MTSS2: variants seen among roughly 807,000 people sequenced by gnomAD.
MTSS2 encodes protein MTSS 2.
In MTSS2, 27 loss-of-function variants were observed where a neutral mutation model predicts 67.1. That is an observed-to-expected ratio of 0.40 (90% CI 0.30 to 0.55). The LOEUF (loss-of-function observed/expected upper bound fraction) is 0.55, where lower values mean the gene tolerates loss of function less well. Among genes scored for constraint, MTSS2 ranks in the 20% least tolerant of loss-of-function variants. The probability of loss-of-function intolerance (pLI) is 0.43; values close to 1 mark genes in which losing one functional copy is unlikely to be tolerated. For missense variants in MTSS2, 1,171 were observed against 1,067.8 expected, an observed-to-expected ratio of 1.10 and a Z score of -1.35; for synonymous variants, 624 against 468.6, an observed-to-expected ratio of 1.33 and a Z score of -4.28.
At position 70,679,881 on chromosome 16, in the gene MTSS2, C is replaced by A; in HGVS notation, c.291-4G>T. The A allele has an allele frequency of 6.3e-7, 1 of 1,596,388 alleles. No homozygotes were observed. Among genetic ancestry groups the A allele is most frequent in the Non-Finnish European group, 8.5e-7 (1 of 1,177,710 alleles). On this transcript the variant is annotated splice_polypyrimidine_tract_variant and splice_region_variant and intron_variant, in intron 4 of 14. Coordinates refer to ENST00000338779, the MANE Select transcript of MTSS2 (RefSeq NM_138383.3). Reference sequence around the variant, plus strand: ...GATGAGGCTCTCCAGCAGTGCGCTGCGGAGGGCGGGCGGGAGCGCAGGTCA... The same window carrying A: ...GATGAGGCTCTCCAGCAGTGCGCTGAGGAGGGCGGGCGGGAGCGCAGGTCA...
intron 11 of MTSS2, among the ~76,000 whole-genome samples, chr16:70,669,306 G>T (rs1225371200): frequency 1.3e-5 from 2 of 152,184 alleles, no homozygotes; most frequent in Non-Finnish European, 2.9e-5. Context: ...TTGGTAAGAA[G>T]AAGACAGATA....
chr16:70,676,627 G>A (rs372494584), intron 10 of MTSS2, among the ~76,000 whole-genome samples: 2 of 152,182 alleles, frequency 1.3e-5, no homozygotes, highest in African/African-American at 4.8e-5. Context: ...CACAGCACCT[G>A]GCACATAGTG....
At chr16:70,668,570 G>A (rs1006386201) in intron 11 of MTSS2, among the ~76,000 whole-genome samples, 3 of 152,148 alleles carry the variant, frequency 2.0e-5, no homozygotes. Flanking sequence ...GCACTGCTGT[G>A]CACTGAGGAA....
At chr16:70,677,746 T>A (rs765133755) in intron 9 of MTSS2, 46 bp downstream of exon 9, 14 of 1,471,458 alleles carry the variant, frequency 9.5e-6, no homozygotes, top group Non-Finnish European at 1.3e-5. Flanking sequence ...GCAGCCCATC[T>A]CCTCCCTGCC....
intron 3 of MTSS2, 27 bp from the exon 4 acceptor site, chr16:70,680,082 G>A: frequency 6.9e-7 from 1 of 1,443,490 alleles, no homozygotes; most frequent in Non-Finnish European, 9.1e-7. Flanking sequence ...GGGGTGGGAA[G>A]GGGCCCGCTG....
chr16:70,680,910 G>C (rs750131433), intron 2 of MTSS2, 43 bp from the exon 3 acceptor site: 6 of 1,503,104 alleles, frequency 4.0e-6, no homozygotes, highest in African/African-American at 1.4e-5. Context: ...TGGTTGGGCG[G>C]GGGGGGGGCC....
At position 70,685,847 on chromosome 16, in the gene MTSS2, C is replaced by A. The variant is rs963682867; in HGVS notation, c.-56G>T. 6 of 1,090,040 alleles carry A rather than the reference C, an allele frequency of 5.5e-6. No homozygotes were observed. The highest frequency in any genetic ancestry group is 6.8e-6 in the Non-Finnish European group (6 of 882,194). The allele number at this position is 1,090,040 out of a possible 1,614,324, so 67.5% of individuals were successfully genotyped here. Reference sequence around the variant, plus strand: ...TAGGCGCACGGAGCGCGGGGAGCAGCGCAAGGGAGGGGGCCAGGCCGCGCG... The same window carrying A: ...TAGGCGCACGGAGCGCGGGGAGCAGAGCAAGGGAGGGGGCCAGGCCGCGCG... On this transcript the variant is annotated 5_prime_UTR_variant, in exon 1 of 15. Transcript: ENST00000338779.
intron 10 of MTSS2, among the ~76,000 whole-genome samples, chr16:70,676,050 C>G (rs2053106331): frequency 6.6e-6 from 1 of 152,228 alleles, no homozygotes; most frequent in East Asian, 1.9e-4. Context: ...GAGCCTCTCT[C>G]TGAGGTAGTA....
intron 11 of MTSS2, among the ~76,000 whole-genome samples, chr16:70,672,863 TA>T (rs1158149342): frequency 6.6e-6 from 1 of 151,804 alleles, no homozygotes; most frequent in African/African-American, 2.4e-5. Flanking sequence ...AAAGTGGAAG[TA>T]AAGAGATAAT....
At chr16:70,681,476 G>T (rs1483527012) in intron 1 of MTSS2, among the ~76,000 whole-genome samples, 1 of 152,236 alleles carries the variant, frequency 6.6e-6, no homozygotes, top group African/African-American at 2.4e-5. Flanking sequence ...AGTGTGGAGG[G>T]TAGGGGGTGG....
At chr16:70,685,507 G>T (rs1242031485) in intron 1 of MTSS2, among the ~76,000 whole-genome samples, 1 of 152,094 alleles carries the variant, frequency 6.6e-6, no homozygotes, top group Non-Finnish European at 1.5e-5. Flanking sequence ...GGGCCACCGC[G>T]GGCACCGCAC....
chr16:70,673,169 A>G (rs2052999272), intron 11 of MTSS2, among the ~76,000 whole-genome samples: 1 of 152,154 alleles, frequency 6.6e-6, no homozygotes, highest in African/African-American at 2.4e-5. Flanking sequence ...GTCTCAAAAC[A>G]AAACAAAACA....
intron 11 of MTSS2, chr16:70,665,849 T>G: frequency 3.8e-6 from 1 of 260,890 alleles, no homozygotes; most frequent in Non-Finnish European, 7.3e-6. Context: ...AAAGAGATAC[T>G]AAGGGCGGCA....
intron 9 of MTSS2, 78 bp downstream of exon 9, chr16:70,677,714 C>A: frequency 1.7e-6 from 2 of 1,147,786 alleles, no homozygotes; most frequent in Admixed American, 2.1e-5. Context: ...CCTCTTTTCC[C>A]CTTTACTGTT....
rs1396936376 is a variant in MTSS2, at chr16:70,664,724, T to C, written c.1345A>G (p.Met449Val). Reference sequence around the variant, plus strand: ...AGGCTCAGGCCCCGCGTCAGCACCATGGCCAGGTCACTGGCGGCGGGGGAC... The same window carrying C: ...AGGCTCAGGCCCCGCGTCAGCACCACGGCCAGGTCACTGGCGGCGGGGGAC... ...EVSPAASDLA[M>V]VLTRGLSLEH... The change falls in exon 14 of 15, where the codon ATG becomes GTG. Residue 449 changes from methionine (M) to valine (V), a missense_variant. By Grantham distance (21) the Met-to-Val change is conservative (BLOSUM62 1). This residue lies in a region of MTSS2 where 924 missense variants were observed against 756.0 expected (regional missense o/e 1.22). Transcript: ENST00000338779. 1.9e-6 allele frequency: 3 copies of C among 1,612,964 alleles called. No individual in the cohort carries two copies. Among genetic ancestry groups the C allele is most frequent in the East Asian group, 2.2e-5 (1 of 44,876 alleles).
intron 11 of MTSS2, among the ~76,000 whole-genome samples, chr16:70,670,221 A>G (rs1466144772): frequency 6.6e-6 from 1 of 152,192 alleles, no homozygotes; most frequent in Non-Finnish European, 1.5e-5. Context: ...CAGTGAGCTG[A>G]AATTGCACCA....
chr16:70,676,626 TG>T, intron 10 of MTSS2, among the ~76,000 whole-genome samples: 1 of 152,350 alleles, frequency 6.6e-6, no homozygotes, highest in East Asian at 1.9e-4. Flanking sequence ...GCACAGCACC[TG>T]GCACATAGTG....
chr16:70,666,327 G>A (rs2052712978), intron 11 of MTSS2, among the ~76,000 whole-genome samples: 1 of 152,174 alleles, frequency 6.6e-6, no homozygotes, highest in Non-Finnish European at 1.5e-5. Context: ...ACTGAAGTAT[G>A]AAAGGGACAC....
rs531905034 is a variant in MTSS2, at chr16:70,673,120, C to T, written c.1053+1186G>A. ...AGGAGGTTGCAGTGAGCCAAGATCG[C>T]GCCACTGTGCTCCAGCCTAGGTGAC... On this transcript the variant is annotated intron_variant, in intron 11 of 14. Transcript: ENST00000338779. Among the ~76,000 whole-genome samples, 31 of 152,112 alleles carry T rather than the reference C, an allele frequency of 2.0e-4. No homozygotes were observed. The East Asian group carries it at 4.8e-3, about 24-fold the overall frequency.
Sources: allele counts gnomAD v4.1 joint callset (sites outside exome capture counted in the v4.1 genomes callset), GRCh38; gene constraint gnomAD v4.1.1; regional missense constraint gnomAD v4.1.1; transcripts MANE v1.5; gene names NCBI Gene and HGNC (gene_info 2026-07-23, HGNC 2026-07-21).